The following MYO6 variants were observed in gnomAD, a reference collection of about 807,000 sequenced individuals.
MYO6 encodes myosin VI, also known as unconventional myosin-VI.
Under a neutral mutation model 178.7 loss-of-function variants are expected in MYO6, and 74 were observed. The ratio of observed to expected loss-of-function variants is 0.41; its 90% CI spans 0.34 to 0.50. MYO6 has a LOEUF of 0.50. Among genes scored for constraint, MYO6 ranks in the 20% least tolerant of loss-of-function variants. The pLI is 0.09. For synonymous variants in MYO6, 477 were observed against 504.6 expected, an observed-to-expected ratio of 0.95 and a Z score of 0.73; for missense variants, 1,330 against 1,547.4, an observed-to-expected ratio of 0.86 and a Z score of 2.36.
At chr6:75,845,691 C>CA (rs1347927945) in intron 10 of MYO6, among the ~76,000 whole-genome samples, 2 of 149,648 alleles carry the variant, frequency 1.3e-5, no homozygotes, top group African/African-American at 4.9e-5. Flanking sequence ...TAAAAACAAA[C>CA]AAAAAAAAGC....
At chr6:75,884,408 C>G (rs1447451597) in intron 23 of MYO6, among the ~76,000 whole-genome samples, 1 of 152,088 alleles carries the variant, frequency 6.6e-6, no homozygotes, top group East Asian at 1.9e-4. Flanking sequence ...CAAATGTTGC[C>G]TAAGACAGTT....
intron 10 of MYO6, among the ~76,000 whole-genome samples, chr6:75,846,507 T>C (rs1458571283): frequency 6.6e-6 from 1 of 152,180 alleles, no homozygotes; most frequent in Non-Finnish European, 1.5e-5. Context: ...TTTTGTTTAA[T>C]TTGGCATTTT....
At chr6:75,826,167 GGGA>G (rs1772447140) in intron 3 of MYO6, among the ~76,000 whole-genome samples, 1 of 152,102 alleles carries the variant, frequency 6.6e-6, no homozygotes, top group East Asian at 1.9e-4. Flanking sequence ...GTAGGCAGTT[GGGA>G]CTTAGCATTT....
intron 1 of MYO6, among the ~76,000 whole-genome samples, chr6:75,770,094 T>C (rs1424250225): frequency 1.3e-5 from 2 of 152,154 alleles, no homozygotes; most frequent in Non-Finnish European, 2.9e-5. Context: ...CCTAGTAGAT[T>C]TCTCTGTTAG....
intron 1 of MYO6, among the ~76,000 whole-genome samples, chr6:75,808,270 C>T (rs778767508): frequency 6.6e-5 from 10 of 152,076 alleles, no homozygotes; most frequent in Admixed American, 2.0e-4. Flanking sequence ...AGTGTGTCAC[C>T]GTGGTTGGGT....
chr6:75,860,924 C>T (rs1011146790), intron 14 of MYO6, 99 bp from the exon 15 acceptor site: 2 of 931,870 alleles, frequency 2.1e-6, no homozygotes, highest in East Asian at 2.4e-5. Context: ...TTGTATAAAC[C>T]TTTGCATTCT....
intron 3 of MYO6, among the ~76,000 whole-genome samples, chr6:75,826,629 T>A (rs564372103): frequency 9.2e-5 from 14 of 152,034 alleles, no homozygotes; most frequent in Non-Finnish European, 1.3e-4. Flanking sequence ...GATGGAAGAT[T>A]AGGGATATAG....
intron 2 of MYO6, 146 bp downstream of exon 2, chr6:75,817,810 T>C (rs1475060140): frequency 2.6e-6 from 2 of 767,124 alleles, no homozygotes; most frequent in African/African-American, 3.5e-5. Flanking sequence ...CTGACTTCTT[T>C]GATTAAATCA....
chr6:75,858,935 G>T lies in MYO6; in HGVS notation c.1415G>T (p.Cys472Phe). 2 of 1,610,918 alleles carry T rather than the reference G, an allele frequency of 1.2e-6. No individual in the cohort carries two copies. Among genetic ancestry groups the T allele is most frequent in the Non-Finnish European group, 1.7e-6 (2 of 1,177,908 alleles). Reference protein sequence around the residue: ...YFEHNSFEQFCINYCNEKLQQ... With the variant: ...YFEHNSFEQFFINYCNEKLQQ... ...GAGCATAACAGTTTTGAACAATTTT[G>T]CATCAACTATTGCAATGAAAAACTT... Residue 472 changes from cysteine (C) to phenylalanine (F), a missense_variant, in exon 14 of 35, where the codon TGC (cysteine) becomes TTC (phenylalanine). Coordinates refer to ENST00000369977, the MANE Select transcript of MYO6 (RefSeq NM_004999.4).
intron 1 of MYO6, among the ~76,000 whole-genome samples, chr6:75,774,814 A>G (rs1190176222): frequency 6.6e-6 from 1 of 150,444 alleles, no homozygotes; most frequent in Non-Finnish European, 1.5e-5. Flanking sequence ...TTTTTTTTTG[A>G]CGGAGTCTCA....
intron 1 of MYO6, among the ~76,000 whole-genome samples, chr6:75,789,279 A>G (rs1767989343): frequency 6.6e-6 from 1 of 152,230 alleles, no homozygotes; most frequent in South Asian, 2.1e-4. Context: ...CACATCATCA[A>G]ATGCTAAATA....
chr6:75,905,295 G>A (rs1440456230), intron 30 of MYO6, among the ~76,000 whole-genome samples: 4 of 152,352 alleles, frequency 2.6e-5, no homozygotes, highest in African/African-American at 4.8e-5. Flanking sequence ...GCAAGCCTGG[G>A]CAATGGCGGG....
At chr6:75,820,851 T>C (rs1180754410) in intron 2 of MYO6, among the ~76,000 whole-genome samples, 1 of 152,168 alleles carries the variant, frequency 6.6e-6, no homozygotes, top group Non-Finnish European at 1.5e-5. Context: ...TTTCCTTTAC[T>C]CTTTGTTGGA....
chr6:75,750,924 C>A lies in MYO6; in HGVS notation c.-48+1501C>A, dbSNP rs867434709. Among the ~76,000 whole-genome samples, 31 of 152,212 alleles carry A rather than the reference C, an allele frequency of 2.0e-4. No individual in the cohort carries two copies. In the Middle Eastern group the frequency reaches 0.01, roughly 50 times the overall value. On this transcript the variant is annotated intron_variant, in intron 1 of 34. Coordinates refer to ENST00000369977, the MANE Select transcript of MYO6 (RefSeq NM_004999.4). The stretch of plus-strand genomic sequence containing the variant: ...GATTTAGCTGAAACTTATCTTCACA[C>A]CATAAAACGTGAATCTTGAACTTGG...
intron 6 of MYO6, 97 bp from the exon 7 acceptor site, chr6:75,835,804 G>A (rs1438342954): frequency 1.4e-6 from 1 of 725,072 alleles, no homozygotes; most frequent in Non-Finnish European, 2.5e-6. Flanking sequence ...TTGTTATAAT[G>A]ATGATCTAGG....
intron 11 of MYO6, among the ~76,000 whole-genome samples, chr6:75,849,746 A>T (rs2150284032): frequency 6.6e-6 from 1 of 152,318 alleles, no homozygotes; most frequent in South Asian, 2.1e-4. Context: ...CAGGGGGAAG[A>T]TGTTACCAGA....
chr6:75,816,745 A>C (rs1771287298), intron 1 of MYO6, among the ~76,000 whole-genome samples: 1 of 152,140 alleles, frequency 6.6e-6, no homozygotes, highest in Admixed American at 6.5e-5. Context: ...TTTTACTTCC[A>C]CAGTTGATTT....
At chr6:75,799,481 G>A (rs903036399) in intron 1 of MYO6, among the ~76,000 whole-genome samples, 1 of 151,970 alleles carries the variant, frequency 6.6e-6, no homozygotes, top group South Asian at 2.1e-4. Context: ...AGGCAAGAGA[G>A]TCTCATTTTT....
At position 75,911,492 on chromosome 6, in the gene MYO6, T is replaced by A. The variant is rs190949159; in HGVS notation, c.3413-180T>A. Among the ~76,000 whole-genome samples the A allele has an allele frequency of 3.1e-4, 47 of 152,058 alleles. No homozygotes were observed. In the East Asian group the frequency reaches 8.9e-3, roughly 29 times the overall value. Reference sequence around the variant, plus strand: ...CTAAGCCTAATGAGTCAAAATAGCCTTTTAAAAAAATCAGAAAGCAGCACC... The same window carrying A: ...CTAAGCCTAATGAGTCAAAATAGCCATTTAAAAAAATCAGAAAGCAGCACC... On this transcript the variant is annotated intron_variant, in intron 32 of 34. Transcript: ENST00000369977.
Sources: gnomAD v4.1 joint callset for allele counts (sites outside exome capture counted in the v4.1 genomes callset) on GRCh38, gnomAD v4.1.1 for gene constraint, MANE v1.5 for transcripts, NCBI Gene and HGNC (gene_info 2026-07-23, HGNC 2026-07-21) for gene names.